Variants in CNTN4 observed in about 807,000 individuals in gnomAD.
The protein encoded by CNTN4 is contactin 4.
A neutral mutation model predicts 122.5 loss-of-function variants in CNTN4; 77 were observed. The ratio of observed to expected loss-of-function variants is 0.63; its 90% CI spans 0.52 to 0.76. The LOEUF (loss-of-function observed/expected upper bound fraction) is 0.76, where lower values mean the gene tolerates loss of function less well. Ranked by LOEUF, CNTN4 falls within the 30% of genes least tolerant of loss-of-function variation. The pLI, the probability that CNTN4 is intolerant of heterozygous loss-of-function variation, is 0.00. For synonymous variants in CNTN4, 512 were observed against 447.0 expected (o/e 1.15, Z -1.83); for missense variants, 1,256 against 1,259.1 (o/e 1.00, Z 0.04).
intron 4 of CNTN4, among the ~76,000 whole-genome samples, chr3:2,618,488 G>A (rs771983714): frequency 1.3e-5 from 2 of 151,912 alleles, no homozygotes; most frequent in Non-Finnish European, 2.9e-5. Context: ...AAGTAAATGA[G>A]CATCCATATG....
intron 3 of CNTN4, among the ~76,000 whole-genome samples, chr3:2,383,041 C>G (rs940551791): frequency 5.9e-5 from 9 of 151,288 alleles, no homozygotes; most frequent in Non-Finnish European, 1.2e-4. Context: ...TGCCACTGCA[C>G]TCCAGCCTGG....
At chr3:2,826,245 T>G (rs2092986078) in intron 7 of CNTN4, among the ~76,000 whole-genome samples, 1 of 152,194 alleles carries the variant, frequency 6.6e-6, no homozygotes, top group Non-Finnish European at 1.5e-5. Flanking sequence ...CTGAGTTTCT[T>G]GATGGCAGGG....
At chr3:2,833,787 G>A (rs939155050) in intron 7 of CNTN4, among the ~76,000 whole-genome samples, 3 of 152,102 alleles carry the variant, frequency 2.0e-5, no homozygotes, top group African/African-American at 7.2e-5. Flanking sequence ...CATATGACCT[G>A]TACTCCTAGT....
At chr3:2,498,837 A>G (rs1382306903) in intron 3 of CNTN4, among the ~76,000 whole-genome samples, 1 of 151,548 alleles carries the variant, frequency 6.6e-6, no homozygotes, top group Non-Finnish European at 1.5e-5. Context: ...TTGCCCAGGT[A>G]GGAGTGCAGT....
intron 2 of CNTN4, among the ~76,000 whole-genome samples, chr3:2,241,986 A>G (rs1304847981): frequency 6.6e-6 from 1 of 152,136 alleles, no homozygotes; most frequent in African/African-American, 2.4e-5. Context: ...CACAATTTCT[A>G]AATGTTGAGG....
At chr3:2,882,570 T>C (rs1044928570) in intron 8 of CNTN4, among the ~76,000 whole-genome samples, 19 of 152,304 alleles carry the variant, frequency 1.2e-4, no homozygotes, top group African/African-American at 4.6e-4. Context: ...TGTAGCTGTA[T>C]CTTGTTATTC....
intron 4 of CNTN4, among the ~76,000 whole-genome samples, chr3:2,619,734 G>A (rs747259919): frequency 2.6e-5 from 4 of 152,186 alleles, no homozygotes; most frequent in African/African-American, 4.8e-5. Flanking sequence ...GAGGGAACAA[G>A]CACTTTTTCC....
intron 4 of CNTN4, among the ~76,000 whole-genome samples, chr3:2,664,984 C>G (rs1384835572): frequency 1.3e-5 from 2 of 152,042 alleles, no homozygotes; most frequent in Admixed American, 1.3e-4. Context: ...GGGAGGTTTT[C>G]CTCTGAAATA....
In CNTN4 at chr3:2,147,943, C is replaced by A. The variant is rs186473015; in HGVS notation, c.-145+47304C>A. Among the ~76,000 whole-genome samples, 83 of 152,274 alleles carry A rather than the reference C, an allele frequency of 5.5e-4. 1 individual carries two copies. Among genetic ancestry groups the A allele is most frequent in the Admixed American group, 2.0e-3 (30 of 15,300 alleles). On this transcript the variant is annotated intron_variant, in intron 2 of 24. Coordinates refer to ENST00000418658, the MANE Select transcript of CNTN4 (RefSeq NM_175607.3). ...AAACTCCACTCCTGTTTTCAAATTC[C>A]TTGTCTGTTTCATCGTGACTCTTCT... is the stretch of plus-strand genomic sequence containing the variant.
chr3:2,286,856 C>T (rs181569556), intron 2 of CNTN4, among the ~76,000 whole-genome samples: 10 of 152,096 alleles, frequency 6.6e-5, no homozygotes, highest in African/African-American at 9.6e-5. Flanking sequence ...TAAAAAAAGC[C>T]GGAATGAGTT....
intron 2 of CNTN4, among the ~76,000 whole-genome samples, chr3:2,142,562 C>A (rs2727919): frequency 6.6e-6 from 1 of 151,890 alleles, no homozygotes; most frequent in African/African-American, 2.4e-5. Context: ...GGGCTGGTCT[C>A]GACGTCCTGA....
intron 3 of CNTN4, among the ~76,000 whole-genome samples, chr3:2,488,375 C>A (rs2076222528): frequency 6.6e-6 from 1 of 152,088 alleles, no homozygotes; most frequent in South Asian, 2.1e-4. Flanking sequence ...CTGGGTACTC[C>A]AGTTTCCTCC....
At chr3:2,142,138 G>A (rs1485024728) in intron 2 of CNTN4, among the ~76,000 whole-genome samples, 1 of 152,186 alleles carries the variant, frequency 6.6e-6, no homozygotes, top group Non-Finnish European at 1.5e-5. Context: ...ATTTCGATTG[G>A]TCATACAGCC....
chr3:2,726,560 G>T (rs2088239761), intron 4 of CNTN4, among the ~76,000 whole-genome samples: 1 of 152,182 alleles, frequency 6.6e-6, no homozygotes, highest in Non-Finnish European at 1.5e-5. Flanking sequence ...AAGCACCATT[G>T]AGTGAATTAG....
intron 2 of CNTN4, among the ~76,000 whole-genome samples, chr3:2,116,910 T>C (rs1380983285): frequency 6.6e-6 from 1 of 152,066 alleles, no homozygotes; most frequent in African/African-American, 2.4e-5. Flanking sequence ...CAAAGTGTGT[T>C]TTCTATTCTC....
intron 7 of CNTN4, among the ~76,000 whole-genome samples, chr3:2,851,226 C>G (rs572328025): frequency 6.6e-6 from 1 of 152,176 alleles, no homozygotes; most frequent in African/African-American, 2.4e-5. Context: ...ATCCATCTCT[C>G]GTGGATGTTA....
intron 4 of CNTN4, among the ~76,000 whole-genome samples, chr3:2,588,795 A>AG (rs1249425307): frequency 1.3e-5 from 2 of 151,854 alleles, no homozygotes; most frequent in African/African-American, 4.8e-5. Flanking sequence ...TAAAAAAAAA[A>AG]AAAAAAAAAA....
At chr3:2,237,000 A>G (rs2039705627) in intron 2 of CNTN4, among the ~76,000 whole-genome samples, 1 of 152,194 alleles carries the variant, frequency 6.6e-6, no homozygotes, top group Non-Finnish European at 1.5e-5. Context: ...AGCAAGATGG[A>G]GGATGGTAGA....
chr3:2,266,817 C>G (rs1392539011), intron 2 of CNTN4, among the ~76,000 whole-genome samples: 2 of 152,054 alleles, frequency 1.3e-5, no homozygotes, highest in Admixed American at 6.6e-5. Context: ...ATAGCAGCTG[C>G]CACCACAGTC....
Sources: gnomAD v4.1 joint callset for allele counts (sites outside exome capture counted in the v4.1 genomes callset) on GRCh38, gnomAD v4.1.1 for gene constraint, MANE v1.5 for transcripts, NCBI Gene and HGNC (gene_info 2026-07-23, HGNC 2026-07-21) for gene names.